Variants in RFWD3 observed in about 807,000 individuals in gnomAD.
RFWD3 encodes the protein ring finger and WD repeat domain 3.
In RFWD3, 65 loss-of-function variants were observed where a neutral mutation model predicts 87.7. The observed-to-expected ratio is 0.74, with a 90% confidence interval of 0.61 to 0.91. The LOEUF is 0.91. Ranked by LOEUF, RFWD3 falls within the 40% of genes least tolerant of loss-of-function variation. The probability of loss-of-function intolerance (pLI) is 0.00; values close to 1 mark genes in which losing one functional copy is unlikely to be tolerated. For synonymous variants in RFWD3, 433 were observed against 352.8 expected, an observed-to-expected ratio of 1.23 and a Z score of -2.55; for missense variants, 1,078 against 938.5, an observed-to-expected ratio of 1.15 and a Z score of -1.94.
At chr16:74,649,939 A>G (rs1227819606) in intron 3 of RFWD3, among the ~76,000 whole-genome samples, 1 of 152,170 alleles carries the variant, frequency 6.6e-6, no homozygotes, top group Admixed American at 6.5e-5. Flanking sequence ...TAAATTGAGC[A>G]TTGTGCAACC....
In RFWD3 at chr16:74,644,478, T is replaced by C. The variant is rs765234319; in HGVS notation, c.988-25A>G. 5.0e-6 allele frequency: 8 copies of C among 1,614,054 alleles called. No homozygotes were observed. The South Asian group carries it at 8.8e-5, about 18-fold the overall frequency. The stretch of plus-strand genomic sequence containing the variant: ...ACTAAAGAACCCAATAGGACATAAT[T>C]AGAGTGGTTCTAGGAATCTGCCTGA... On this transcript the variant is annotated intron_variant, in intron 5 of 12. Transcript: ENST00000361070.
intron 2 of RFWD3, among the ~76,000 whole-genome samples, chr16:74,660,403 A>C (rs1423153987): frequency 6.6e-6 from 1 of 152,182 alleles, no homozygotes; most frequent in Non-Finnish European, 1.5e-5. Context: ...CAGTGAGCAA[A>C]GATTGTGCCA....
chr16:74,639,831 G>T (rs1028788927), intron 6 of RFWD3, among the ~76,000 whole-genome samples: 1 of 152,168 alleles, frequency 6.6e-6, no homozygotes, highest in Non-Finnish European at 1.5e-5. Context: ...AAAGAGTACA[G>T]TGTCTCCTTA....
chr16:74,660,850 T>A, intron 2 of RFWD3, 82 bp downstream of exon 2: 3 of 1,480,484 alleles, frequency 2.0e-6, no homozygotes, highest in Non-Finnish European at 2.7e-6. Context: ...AAAGTCACAC[T>A]GTCAGTCCTT....
At position 74,628,607 on chromosome 16, in the gene RFWD3, C is replaced by T; in HGVS notation, c.1814G>A (p.Gly605Asp). 6.2e-7 allele frequency: 1 copy of T among 1,614,170 alleles called. No homozygotes were observed. Among genetic ancestry groups the T allele is most frequent in the Non-Finnish European group, 8.5e-7 (1 of 1,180,036 alleles). The change falls in exon 11 of 13, where the codon GGT becomes GAT. Residue 605 changes from glycine to aspartate, a missense_variant. Coordinates refer to ENST00000361070, the MANE Select transcript of RFWD3 (RefSeq NM_018124.4). The stretch of plus-strand genomic sequence containing the variant: ...CTCCAAGGTTCCAGCCAGCACCCCA[C>T]CATATGGAAATGCAGCTGAGGCAGC... ...PRAASAAFPY[G>D]GVLAGTLEDA...
At chr16:74,631,911 C>A (rs1181412178) in intron 9 of RFWD3, among the ~76,000 whole-genome samples, 1 of 152,158 alleles carries the variant, frequency 6.6e-6, no homozygotes, top group African/African-American at 2.4e-5. Context: ...TGAGCCACCA[C>A]GCCTGGTCTC....
At chr16:74,659,286 C>T (rs1485770538) in intron 2 of RFWD3, among the ~76,000 whole-genome samples, 1 of 152,172 alleles carries the variant, frequency 6.6e-6, no homozygotes, top group Non-Finnish European at 1.5e-5. Context: ...CAGCCAGCTC[C>T]TGGAAACACC....
At chr16:74,646,940 T>G (rs1960195290) in intron 4 of RFWD3, among the ~76,000 whole-genome samples, 1 of 150,186 alleles carries the variant, frequency 6.7e-6, no homozygotes, top group South Asian at 2.1e-4. Context: ...ACAACAAAAT[T>G]AGCCAGGTGT....
intron 2 of RFWD3, among the ~76,000 whole-genome samples, chr16:74,659,178 C>T (rs775555707): frequency 3.9e-5 from 6 of 152,114 alleles, no homozygotes; most frequent in Non-Finnish European, 7.4e-5. Flanking sequence ...TAATACAAGT[C>T]ACTGTGCTTG....
intron 9 of RFWD3, among the ~76,000 whole-genome samples, chr16:74,631,176 A>G (rs575521897): frequency 7.9e-5 from 12 of 152,288 alleles, no homozygotes; most frequent in African/African-American, 2.4e-4. Flanking sequence ...CTTGAGTTCT[A>G]AGGAAATAAA....
At chr16:74,633,183 A>G (rs1959155460) in intron 8 of RFWD3, among the ~76,000 whole-genome samples, 1 of 151,592 alleles carries the variant, frequency 6.6e-6, no homozygotes, top group South Asian at 2.1e-4. Flanking sequence ...AGGCTGAGGC[A>G]GGAGAATCGC....
chr16:74,635,306 T>A (rs1437080922), intron 8 of RFWD3, among the ~76,000 whole-genome samples: 32 of 144,232 alleles, frequency 2.2e-4, no homozygotes, highest in Admixed American at 8.3e-4. Flanking sequence ...AAATAAAAAA[T>A]AAAAAAAAAA....
intron 2 of RFWD3, among the ~76,000 whole-genome samples, chr16:74,656,733 T>C (rs8061670): frequency 0.17 from 26,154 of 152,122 alleles, 2,925 homozygotes; most frequent in East Asian, 0.39. Context: ...GCTGGGATTA[T>C]AGGCATGAGC....
Position 74,636,393 on chromosome 16 carries a change from C to T in RFWD3, c.1379G>A (p.Ser460Asn), listed in dbSNP as rs545140006. The stretch of plus-strand genomic sequence containing the variant: ...AGAAGGCTGTGATATCACCAGGCAG[C>T]TCAGAGCATCACAGTATGCCATGAT... ...CRIMAYCDAL[S>N]CLVISQPSPQ... Residue 460 changes from serine (S) to asparagine (N), a missense_variant, in exon 8 of 13, where the codon AGC becomes AAC. By Grantham distance (46) the Ser-to-Asn change is conservative. Coordinates refer to ENST00000361070, the MANE Select transcript of RFWD3 (RefSeq NM_018124.4). The T allele has an allele frequency of 7.8e-5, 126 of 1,614,192 alleles. 4 individuals are homozygous for T. In the South Asian group the frequency reaches 1.3e-3, roughly 17 times the overall value.
intron 6 of RFWD3, among the ~76,000 whole-genome samples, chr16:74,641,743 T>A (rs1017575740): frequency 3.3e-5 from 5 of 151,382 alleles, no homozygotes; most frequent in African/African-American, 7.3e-5. Context: ...GCCAACACGG[T>A]GAAACCCTGT....
chr16:74,641,504 G>C (rs1959642407), intron 6 of RFWD3, among the ~76,000 whole-genome samples: 1 of 151,842 alleles, frequency 6.6e-6, no homozygotes, highest in African/African-American at 2.4e-5. Flanking sequence ...ATATTATCAA[G>C]AAATTGAAAT....
rs547923976 is a variant in RFWD3, at chr16:74,654,925, G to A, written c.519-2803C>T. On this transcript the variant is annotated intron_variant, in intron 2 of 12. Coordinates refer to ENST00000361070, the MANE Select transcript of RFWD3 (RefSeq NM_018124.4). ...AATTCTGTGAAAGCTGAGAAGTGAG[G>A]AAGCTGCAGGAAGTTGGAAGAAAGC... 4.6e-5 allele frequency among the ~76,000 whole-genome samples: 7 copies of A among 152,324 alleles called. No individual in the cohort carries two copies. The South Asian group carries it at 1.5e-3, about 32-fold the overall frequency.
At chr16:74,666,627 C>G (rs1474912329) in intron 1 of RFWD3, 159 bp downstream of exon 1, 2 of 152,324 alleles carry the variant, frequency 1.3e-5, no homozygotes, top group Non-Finnish European at 2.9e-5. Context: ...ACTGGCGCCG[C>G]CCCGAGGGCC....
rs201587155 is a variant in RFWD3 at position 74,661,391 on chromosome 16, T to G, written c.59A>C (p.Gln20Pro). Residue 20 changes from glutamine to proline, a missense_variant, in exon 2 of 13, where the codon CAG (glutamine) becomes CCG (proline). Gln to Pro is a moderately conservative substitution (Grantham distance 76, BLOSUM62 -1). Transcript: ENST00000361070. ...GCTGGCCATGCCAGCAGGAGCTGGC[T>G]GTTGTTCGGCATGATTTAACTGCAC... ...VQVQLNHAEQQPAPAGMASSQ... is the reference protein window; with the variant it reads ...VQVQLNHAEQPPAPAGMASSQ... 1 of 1,614,074 alleles carries G rather than the reference T, an allele frequency of 6.2e-7. No individual in the cohort carries two copies. The highest frequency in any genetic ancestry group is 2.2e-5 in the East Asian group (1 of 44,884).
Sources: allele counts gnomAD v4.1 joint callset (sites outside exome capture counted in the v4.1 genomes callset), GRCh38; gene constraint gnomAD v4.1.1; transcripts MANE v1.5; gene names NCBI Gene and HGNC (gene_info 2026-07-23, HGNC 2026-07-21).